Variants in RALGAPA1 observed in about 807,000 individuals in gnomAD.
RALGAPA1 encodes Ral GTPase activating protein catalytic subunit alpha 1.
In RALGAPA1, 52 loss-of-function variants were observed where a neutral mutation model predicts 269.6. The observed-to-expected ratio is 0.19, with a 90% CI of 0.15 to 0.24. RALGAPA1 has a LOEUF of 0.24. Ranked by LOEUF, RALGAPA1 falls within the 10% of genes least tolerant of loss-of-function variation. RALGAPA1 has a pLI of 1.00. For synonymous variants in RALGAPA1, 817 were observed against 1,008.3 expected (o/e 0.81, Z 3.60); for missense variants, 1,917 against 3,013.9 (o/e 0.64, Z 8.52).
chr14:35,592,431 A>C (rs989467161), intron 37 of RALGAPA1, among the ~76,000 whole-genome samples: 1 of 152,236 alleles, frequency 6.6e-6, no homozygotes, highest in Non-Finnish European at 1.5e-5. Context: ...CCAAACATTC[A>C]AAGAATTATT....
At chr14:35,565,455 C>T (rs1304263239) in intron 39 of RALGAPA1, among the ~76,000 whole-genome samples, 1 of 151,844 alleles carries the variant, frequency 6.6e-6, no homozygotes, top group Admixed American at 6.6e-5. Flanking sequence ...AAGCAGATTA[C>T]CCTCTATAAT....
At position 35,572,688 on chromosome 14, in the gene RALGAPA1, T is replaced by A; in HGVS notation, c.7240A>T (p.Ile2414Phe). ...TCTCTAGTATGCTCTGACCAAACAA[T>A]GTGCACTTCATCATTTCCCAAATGT... ...LRHLGNDEVH[I>F]VWSEHTRDYR... The change falls in exon 38 of 42, where the codon ATT (isoleucine) becomes TTT (phenylalanine). Residue 2414 changes from isoleucine (I) to phenylalanine (F), a missense_variant. Physicochemically the swap from Ile to Phe is conservative, Grantham distance 21. Coordinates refer to ENST00000680220, the MANE Select transcript of RALGAPA1 (RefSeq NM_001346249.2). 6.3e-7 allele frequency: 1 copy of A among 1,599,166 alleles called. No individual in the cohort carries two copies. Among genetic ancestry groups the A allele is most frequent in the Non-Finnish European group, 8.5e-7 (1 of 1,174,962 alleles).
intron 31 of RALGAPA1, among the ~76,000 whole-genome samples, chr14:35,644,948 A>C (rs1030341446): frequency 6.6e-6 from 1 of 152,168 alleles, no homozygotes; most frequent in East Asian, 1.9e-4. Flanking sequence ...GTCAGTGTGA[A>C]CTCAAGGTTT....
At chr14:35,756,319 G>A (rs2073171304) in intron 7 of RALGAPA1, 1 of 152,156 alleles carries the variant, frequency 6.6e-6, no homozygotes, top group Non-Finnish European at 1.5e-5. Context: ...GAGAAAATAA[G>A]CAACTATATG....
chr14:35,548,988 A>T, intron 40 of RALGAPA1, 122 bp downstream of exon 40: 3 of 1,156,460 alleles, frequency 2.6e-6, no homozygotes, highest in Non-Finnish European at 3.6e-6. Flanking sequence ...TTCAAATATT[A>T]AATAGTGATT....
At chr14:35,733,130 A>C (rs1008463742) in intron 12 of RALGAPA1, among the ~76,000 whole-genome samples, 3 of 152,228 alleles carry the variant, frequency 2.0e-5, no homozygotes, top group Non-Finnish European at 4.4e-5. Context: ...TGGAAATTAA[A>C]TAACCTGCTC....
intron 35 of RALGAPA1, among the ~76,000 whole-genome samples, chr14:35,617,195 A>C (rs2060305596): frequency 1.3e-5 from 2 of 152,082 alleles, no homozygotes; most frequent in African/African-American, 4.8e-5. Context: ...AGTGGACAGG[A>C]GGGGGACTGG....
intron 15 of RALGAPA1, among the ~76,000 whole-genome samples, chr14:35,722,563 G>A (rs1321279243): frequency 6.6e-6 from 1 of 151,584 alleles, no homozygotes; most frequent in Non-Finnish European, 1.5e-5. Flanking sequence ...AGTGAGCCAT[G>A]ACTGTGCTAC....
rs533862854 is a variant in RALGAPA1, at chr14:35,723,374, C to A, written c.1867-110G>T. Reference sequence around the variant, plus strand: ...CTTAAAAACAAGCAACATTTAAAATCGCATGCTTTTTTTAATAGATAATAC... The same window carrying A: ...CTTAAAAACAAGCAACATTTAAAATAGCATGCTTTTTTTAATAGATAATAC... On this transcript the variant is annotated intron_variant, in intron 14 of 41. Coordinates refer to ENST00000680220, the MANE Select transcript of RALGAPA1 (RefSeq NM_001346249.2). The A allele has an allele frequency of 5.0e-6, 3 of 596,900 alleles. No individual in the cohort carries two copies. In the Admixed American group the frequency reaches 9.1e-5, roughly 18 times the overall value. The allele number at this position is 596,900 out of a possible 1,614,324, so 37.0% of individuals were successfully genotyped here.
At chr14:35,729,993 G>C (rs1394082656) in intron 12 of RALGAPA1, among the ~76,000 whole-genome samples, 2 of 152,070 alleles carry the variant, frequency 1.3e-5, no homozygotes, top group Non-Finnish European at 2.9e-5. Flanking sequence ...AATCCCAAAA[G>C]GACCCACAGA....
intron 31 of RALGAPA1, among the ~76,000 whole-genome samples, chr14:35,650,097 T>C (rs1427418042): frequency 6.6e-6 from 1 of 152,096 alleles, no homozygotes; most frequent in African/African-American, 2.4e-5. Context: ...GGAGGCCGGA[T>C]GAGGTAGCTC....
chr14:35,570,516 A>G (rs2057098263), intron 39 of RALGAPA1, 101 bp downstream of exon 39: 1 of 971,238 alleles, frequency 1.0e-6, no homozygotes, highest in Non-Finnish European at 1.4e-6. Flanking sequence ...ATAATTAAAA[A>G]AACCCTAGAA....
At chr14:35,630,106 A>C (rs948588835) in intron 33 of RALGAPA1, among the ~76,000 whole-genome samples, 6 of 152,194 alleles carry the variant, frequency 3.9e-5, no homozygotes, top group Non-Finnish European at 8.8e-5. Context: ...GGGTATAGGC[A>C]AACCAACCAA....
intron 27 of RALGAPA1, 144 bp from the exon 28 acceptor site, chr14:35,659,340 G>A: frequency 2.1e-6 from 1 of 474,062 alleles, no homozygotes; most frequent in Non-Finnish European, 3.6e-6. Flanking sequence ...TATAAAAGTA[G>A]CTAAATAAAT....
At chr14:35,793,605 C>T (rs114159799) in intron 1 of RALGAPA1, among the ~76,000 whole-genome samples, 6,173 of 152,104 alleles carry the variant, frequency 0.041, 363 homozygotes, top group African/African-American at 0.12. Flanking sequence ...AACACACACA[C>T]ACACACACAG....
At chr14:35,718,538 G>A (rs1480028304) in intron 16 of RALGAPA1, among the ~76,000 whole-genome samples, 2 of 152,114 alleles carry the variant, frequency 1.3e-5, no homozygotes, top group Non-Finnish European at 2.9e-5. Context: ...CATAAAGGCT[G>A]GGCACAGAGG....
At chr14:35,778,063 T>C (rs962285664) in intron 1 of RALGAPA1, among the ~76,000 whole-genome samples, 5 of 148,282 alleles carry the variant, frequency 3.4e-5, no homozygotes, top group African/African-American at 1.3e-4. Context: ...CGAATATTCA[T>C]TACAATTTTG....
intron 39 of RALGAPA1, among the ~76,000 whole-genome samples, chr14:35,554,699 TG>T (rs1332034722): frequency 1.3e-5 from 2 of 152,178 alleles, no homozygotes; most frequent in Non-Finnish European, 2.9e-5. Context: ...GGGGCAGATT[TG>T]GTGGTTCTTC....
chr14:35,698,541 G>A (rs2067083025), intron 17 of RALGAPA1, among the ~76,000 whole-genome samples: 1 of 151,910 alleles, frequency 6.6e-6, no homozygotes, highest in Non-Finnish European at 1.5e-5. Flanking sequence ...GTGGCCAAGA[G>A]AATTCAAATT....
Sources: allele counts gnomAD v4.1 joint callset (sites outside exome capture counted in the v4.1 genomes callset), GRCh38; gene constraint gnomAD v4.1.1; transcripts MANE v1.5; gene names NCBI Gene and HGNC (gene_info 2026-07-23, HGNC 2026-07-21).